The following ZMIZ1 variants were observed in gnomAD, a reference collection of about 807,000 sequenced individuals.
ZMIZ1 encodes the protein zinc finger MIZ domain-containing protein 1.
Under a neutral mutation model 113.9 loss-of-function variants are expected in ZMIZ1, and 17 were observed. That is an observed-to-expected ratio of 0.15 (90% CI 0.10 to 0.22). ZMIZ1 has a LOEUF of 0.22. Ranked by LOEUF, ZMIZ1 falls within the 10% of genes least tolerant of loss-of-function variation. ZMIZ1 has a pLI of 1.00. For synonymous variants in ZMIZ1, 607 were observed against 603.1 expected (o/e 1.01, Z -0.09); for missense variants, 1,059 against 1,477.8 (o/e 0.72, Z 4.65).
intron 7 of ZMIZ1, among the ~76,000 whole-genome samples, chr10:79,268,212 C>G (rs767500034): frequency 6.6e-6 from 1 of 152,200 alleles, no homozygotes; most frequent in Non-Finnish European, 1.5e-5. Flanking sequence ...CTGGCCCCCA[C>G]GCTGTATGAA....
At chr10:79,104,473 T>A (rs1157213930) in intron 1 of ZMIZ1, among the ~76,000 whole-genome samples, 4 of 152,162 alleles carry the variant, frequency 2.6e-5, no homozygotes, top group South Asian at 4.1e-4. Flanking sequence ...AGCCTCAGTT[T>A]TGTCATCTGC....
intron 2 of ZMIZ1, among the ~76,000 whole-genome samples, chr10:79,134,076 C>G (rs906656589): frequency 1.3e-5 from 2 of 152,090 alleles, no homozygotes. Flanking sequence ...CCATTTGTAC[C>G]CCGGACACCA....
At chr10:79,278,003 G>C (rs545647320) in intron 8 of ZMIZ1, among the ~76,000 whole-genome samples, 1 of 152,338 alleles carries the variant, frequency 6.6e-6, no homozygotes, top group African/African-American at 2.4e-5. Flanking sequence ...CTAATGATCA[G>C]GAGGGTCATT....
At chr10:79,071,127 G>T (rs1244221769) in intron 1 of ZMIZ1, among the ~76,000 whole-genome samples, 5 of 152,226 alleles carry the variant, frequency 3.3e-5, no homozygotes, top group Non-Finnish European at 7.3e-5. Flanking sequence ...GATTTAAAAG[G>T]GCAGTGGGCG....
rs914299777 is a variant in ZMIZ1 at position 79,175,595 on chromosome 10, T to C, written c.-50+13462T>C. 5.0e-4 allele frequency among the ~76,000 whole-genome samples: 55 copies of C among 110,528 alleles called. 1 individual carries two copies. The highest frequency in any genetic ancestry group is 7.6e-4 in the Admixed American group (9 of 11,850). 72.5% of individuals were successfully genotyped at this position (110,528 alleles called of 152,430 possible). ...TCTGTGCACTCTGCGTGTGTGTGTG[T>C]GTGTGTGTGTGTGTGTGTGTGTGTG... On this transcript the variant is annotated intron_variant, in intron 4 of 24. Transcript: ENST00000334512.
chr10:79,076,949 C>G (rs755131662), intron 1 of ZMIZ1, among the ~76,000 whole-genome samples: 12 of 152,212 alleles, frequency 7.9e-5, no homozygotes, highest in Non-Finnish European at 7.4e-5. Context: ...CCTCCCCTCT[C>G]CCCTCCAGCC....
At position 79,300,654 on chromosome 10, in the gene ZMIZ1, G is replaced by A. The variant is rs556725609; in HGVS notation, c.1809-78G>A. ...GAGGTTGTGGTGTGTTTAGAGGTGT[G>A]TGACCTGGCTCGGGGTCACGGAGGC... On this transcript the variant is annotated intron_variant, in intron 16 of 24. Transcript: ENST00000334512. 7.9e-5 allele frequency: 120 copies of A among 1,523,344 alleles called. No individual in the cohort carries two copies. The African/African-American group carries it at 1.6e-3, about 20-fold the overall frequency. The allele number at this position is 1,523,344 out of a possible 1,614,324, so 94.4% of individuals were successfully genotyped here. A position where few individuals can be genotyped will look rare whatever the true frequency, so the allele number is the denominator to read the frequency against.
chr10:79,208,262 C>T (rs1848411417), intron 5 of ZMIZ1, 74 bp from the exon 6 acceptor site: 1 of 1,366,900 alleles, frequency 7.3e-7, no homozygotes, highest in Non-Finnish European at 1.0e-6. Flanking sequence ...GTTCTTCCCA[C>T]CCCAGACCCC....
At chr10:79,255,398 C>G (rs542050741) in intron 7 of ZMIZ1, among the ~76,000 whole-genome samples, 3 of 152,354 alleles carry the variant, frequency 2.0e-5, no homozygotes, top group Admixed American at 1.3e-4. Flanking sequence ...GTGAGCAAGT[C>G]TGCTGAAGCA....
chr10:79,302,088 GTCTC>G lies in ZMIZ1; in HGVS notation c.2020-18_2020-15del. On this transcript the variant is annotated splice_polypyrimidine_tract_variant and intron_variant, in intron 17 of 24. Coordinates refer to ENST00000334512, the MANE Select transcript of ZMIZ1 (RefSeq NM_020338.4). ...TGGGGACAGTGCACAGGAACTGAGT[GTCTC>G]CTCTCTCCCCGCAGTCCCACCTCTT... The G allele has an allele frequency of 4.3e-6, 7 of 1,612,222 alleles. No homozygotes were observed. Among genetic ancestry groups the G allele is most frequent in the Non-Finnish European group, 5.9e-6 (7 of 1,179,110 alleles).
At chr10:79,131,224 G>C (rs748544763) in intron 2 of ZMIZ1, among the ~76,000 whole-genome samples, 1 of 152,160 alleles carries the variant, frequency 6.6e-6, no homozygotes, top group Non-Finnish European at 1.5e-5. Flanking sequence ...GCAATGACCA[G>C]CCAGGCCTCT....
chr10:79,167,501 G>C (rs1846404164), intron 4 of ZMIZ1, among the ~76,000 whole-genome samples: 1 of 152,152 alleles, frequency 6.6e-6, no homozygotes, highest in South Asian at 2.1e-4. Context: ...ACAAAATAAG[G>C]AACCGAGGCA....
At chr10:79,308,650 A>G (rs1314106692) in intron 23 of ZMIZ1, among the ~76,000 whole-genome samples, 1 of 152,146 alleles carries the variant, frequency 6.6e-6, no homozygotes, top group Non-Finnish European at 1.5e-5. Context: ...CCAAGTCGGA[A>G]ATAGATGCTT....
intron 8 of ZMIZ1, among the ~76,000 whole-genome samples, chr10:79,289,349 GC>G (rs1355607755): frequency 1.3e-5 from 2 of 152,188 alleles, no homozygotes; most frequent in African/African-American, 4.8e-5. Context: ...GACCCTTCCA[GC>G]CTGTACTGAG....
At chr10:79,310,843 T>C in intron 23 of ZMIZ1, 81 bp from the exon 24 acceptor site, 9 of 1,470,838 alleles carry the variant, frequency 6.1e-6, no homozygotes, top group Non-Finnish European at 8.2e-6. Flanking sequence ...CCTGGTTGTG[T>C]TGGGTTTCAT....
intron 8 of ZMIZ1, among the ~76,000 whole-genome samples, chr10:79,280,717 C>T (rs1275755660): frequency 6.7e-6 from 1 of 149,402 alleles, no homozygotes; most frequent in Non-Finnish European, 1.5e-5. Context: ...CCCTCTTCCC[C>T]TAAGCATTAT....
At chr10:79,250,470 G>A (rs1234519407) in intron 7 of ZMIZ1, among the ~76,000 whole-genome samples, 1 of 152,236 alleles carries the variant, frequency 6.6e-6, no homozygotes, top group Non-Finnish European at 1.5e-5. Flanking sequence ...TGTCCCTCCG[G>A]CAGCCATCAG....
At chr10:79,214,421 C>T (rs1848640197) in intron 6 of ZMIZ1, among the ~76,000 whole-genome samples, 1 of 152,192 alleles carries the variant, frequency 6.6e-6, no homozygotes, top group African/African-American at 2.4e-5. Context: ...GGCCACAGTC[C>T]CATTCCAAGA....
chr10:79,100,929 G>T (rs914725413), intron 1 of ZMIZ1, among the ~76,000 whole-genome samples: 1 of 152,228 alleles, frequency 6.6e-6, no homozygotes, highest in African/African-American at 2.4e-5. Context: ...TCTCACCCCA[G>T]CACAGCTGGG....
Sources: allele counts gnomAD v4.1 joint callset (sites outside exome capture counted in the v4.1 genomes callset), GRCh38; gene constraint gnomAD v4.1.1; transcripts MANE v1.5; gene names NCBI Gene and HGNC (gene_info 2026-07-23, HGNC 2026-07-21).